TNKS: variants seen among roughly 807,000 people sequenced by gnomAD.
TNKS encodes poly [ADP-ribose] polymerase tankyrase-1.
In TNKS, 72 loss-of-function variants were observed where a neutral mutation model predicts 135.8. The ratio of observed to expected loss-of-function variants is 0.53; its 90% CI spans 0.44 to 0.64. The LOEUF (loss-of-function observed/expected upper bound fraction) is 0.64. Among genes scored for constraint, TNKS ranks in the 30% least tolerant of loss-of-function variants. The pLI is 0.00. For synonymous variants in TNKS, 849 were observed against 649.3 expected, an observed-to-expected ratio of 1.31 and a Z score of -4.68; for missense variants, 1,769 against 1,674.0, an observed-to-expected ratio of 1.06 and a Z score of -0.99.
At chr8:9,658,923 G>T (rs1801560109) in intron 3 of TNKS, among the ~76,000 whole-genome samples, 2 of 152,262 alleles carry the variant, frequency 1.3e-5, no homozygotes, top group Middle Eastern at 6.8e-3. Context: ...AAAAAAGGCA[G>T]GGGTTGCAAT....
chr8:9,615,442 G>GCTTTTTTT (rs1799604572), intron 2 of TNKS, 140 bp from the exon 3 acceptor site: 1 of 581,632 alleles, frequency 1.7e-6, no homozygotes, highest in Admixed American at 3.8e-5. Context: ...GTGCTTTTTT[G>GCTTTTTTT]CTTTTTTTCT....
chr8:9,569,428 A>G (rs1332501106), intron 1 of TNKS, among the ~76,000 whole-genome samples: 1 of 152,198 alleles, frequency 6.6e-6, no homozygotes, highest in Non-Finnish European at 1.5e-5. Flanking sequence ...TAACACTCAT[A>G]GATTTTGTCT....
chr8:9,652,999 C>A (rs1343389708), intron 3 of TNKS, among the ~76,000 whole-genome samples: 1 of 152,168 alleles, frequency 6.6e-6, no homozygotes, highest in Non-Finnish European at 1.5e-5. Flanking sequence ...CAGTGATTCC[C>A]TAGCCAGGCA....
intron 3 of TNKS, chr8:9,679,748 A>G (rs1379465516): frequency 1.2e-5 from 6 of 514,678 alleles, no homozygotes; most frequent in Non-Finnish European, 2.1e-5. Flanking sequence ...ATTGGACAAG[A>G]AGCTGCGTCA....
intron 3 of TNKS, among the ~76,000 whole-genome samples, chr8:9,625,772 G>T (rs1800032731): frequency 6.6e-6 from 1 of 151,910 alleles, no homozygotes. Context: ...CAATTTTTTT[G>T]ATTTTTAAAT....
intron 18 of TNKS, among the ~76,000 whole-genome samples, chr8:9,749,436 C>T (rs1806403345): frequency 6.6e-6 from 1 of 151,712 alleles, no homozygotes; most frequent in South Asian, 2.1e-4. Context: ...GAGTGGTTCA[C>T]TGTGGCTGTC....
At chr8:9,628,229 C>A (rs1027990629) in intron 3 of TNKS, among the ~76,000 whole-genome samples, 1 of 152,138 alleles carries the variant, frequency 6.6e-6, no homozygotes, top group African/African-American at 2.4e-5. Context: ...TGTTTTTCTG[C>A]TTCCCTTTAG....
intron 25 of TNKS, among the ~76,000 whole-genome samples, chr8:9,768,920 G>A (rs115008990): frequency 6.6e-6 from 1 of 152,110 alleles, no homozygotes; most frequent in Non-Finnish European, 1.5e-5. Context: ...ACAAATTTTA[G>A]TTGACTCAAG....
At chr8:9,756,977 T>TG (rs1265109481) in intron 20 of TNKS, among the ~76,000 whole-genome samples, 75 of 152,106 alleles carry the variant, frequency 4.9e-4, no homozygotes, top group African/African-American at 1.7e-3. Flanking sequence ...GTTTGTTTTT[T>TG]TTTGTTTGTT....
intron 2 of TNKS, among the ~76,000 whole-genome samples, chr8:9,584,022 G>A (rs1417107468): frequency 6.6e-6 from 1 of 151,572 alleles, no homozygotes. Context: ...AAATTAGCCG[G>A]GCGTGGTGGT....
chr8:9,601,787 C>A (rs1313056410), intron 2 of TNKS, among the ~76,000 whole-genome samples: 1 of 152,122 alleles, frequency 6.6e-6, no homozygotes, highest in Non-Finnish European at 1.5e-5. Flanking sequence ...ACTTAGAGAT[C>A]ATCTTTACTA....
At chr8:9,770,804 C>T (rs1023349692) in intron 26 of TNKS, among the ~76,000 whole-genome samples, 2 of 152,180 alleles carry the variant, frequency 1.3e-5, no homozygotes, top group Non-Finnish European at 2.9e-5. Flanking sequence ...TGGGGGAAGA[C>T]TGACAAAGGA....
intron 25 of TNKS, among the ~76,000 whole-genome samples, chr8:9,769,612 CTTTTTTTTTTTT>C (rs1163803220): frequency 2.7e-5 from 2 of 73,464 alleles, no homozygotes; most frequent in South Asian, 6.0e-4. Context: ...CAGGCATTTT[CTTTTTTTTTTTT>C]TTTTTTTTTT....
chr8:9,557,562 A>G (rs1237815560), intron 1 of TNKS: 2 of 152,186 alleles, frequency 1.3e-5, no homozygotes, highest in Non-Finnish European at 2.9e-5. Context: ...TGTTTTATAC[A>G]TTAGAAACAT....
chr8:9,764,960 A>G (rs1807347370), intron 23 of TNKS, among the ~76,000 whole-genome samples, 170 bp downstream of exon 23: 4 of 152,230 alleles, frequency 2.6e-5, no homozygotes, highest in Admixed American at 2.6e-4. Flanking sequence ...CTAACTCCCC[A>G]AGACAATACG....
intron 1 of TNKS, chr8:9,575,529 A>G (rs937386599): frequency 3.5e-6 from 2 of 576,948 alleles, no homozygotes; most frequent in East Asian, 2.9e-4. Context: ...CACCATAGTT[A>G]CAAGTTATTT....
At chr8:9,755,759 A>G (rs867759183) in intron 20 of TNKS, among the ~76,000 whole-genome samples, 1 of 152,124 alleles carries the variant, frequency 6.6e-6, no homozygotes, top group African/African-American at 2.4e-5. Context: ...ACATGCTTCT[A>G]TGTCTCATTG....
At chr8:9,767,631 C>G (rs563654821) in intron 25 of TNKS, among the ~76,000 whole-genome samples, 1 of 152,230 alleles carries the variant, frequency 6.6e-6, no homozygotes, top group East Asian at 1.9e-4. Flanking sequence ...CGGAAGGAAA[C>G]TTCCTTCCAT....
chr8:9,566,004 G>C (rs2129050270), intron 1 of TNKS, among the ~76,000 whole-genome samples: 1 of 151,944 alleles, frequency 6.6e-6, no homozygotes, highest in Middle Eastern at 3.4e-3. Flanking sequence ...TATATACATA[G>C]TAAGTAGACA....
Sources: allele counts gnomAD v4.1 joint callset (sites outside exome capture counted in the v4.1 genomes callset), GRCh38; gene constraint gnomAD v4.1.1; transcripts MANE v1.5; gene names NCBI Gene and HGNC (gene_info 2026-07-23, HGNC 2026-07-21).